The following HNMT variants were observed in gnomAD, a reference collection of about 807,000 sequenced individuals.
HNMT encodes histamine N-methyltransferase.
A neutral mutation model predicts 32.1 loss-of-function variants in HNMT; 30 were observed. That is an observed-to-expected ratio of 0.93 (90% CI 0.70 to 1.27). The LOEUF is 1.27. HNMT is among the 50% of genes most tolerant of loss of function. The pLI, the probability that HNMT is intolerant of heterozygous loss-of-function variation, is 0.00. For synonymous variants in HNMT, 125 were observed against 119.0 expected (o/e 1.05, Z -0.33); for missense variants, 327 against 346.0 (o/e 0.95, Z 0.43).
At chr2:137,995,502 T>C (rs1203722813) in intron 2 of HNMT, among the ~76,000 whole-genome samples, 1 of 151,988 alleles carries the variant, frequency 6.6e-6, no homozygotes, top group Non-Finnish European at 1.5e-5. Flanking sequence ...AATAACAAGT[T>C]CTGAAATTAA....
chr2:137,964,529 G>A lies in HNMT; in HGVS notation c.38G>A (p.Gly13Glu), dbSNP rs774154790. 4 of 1,613,638 alleles carry A rather than the reference G, an allele frequency of 2.5e-6. No individual in the cohort carries two copies. The African/African-American group carries it at 4.0e-5, about 16-fold the overall frequency. Residue 13 changes from glycine (G) to glutamate (E), a missense_variant, in exon 1 of 6, where the codon GGG (glycine) becomes GAG (glutamate). Coordinates refer to ENST00000280097, the MANE Select transcript of HNMT (RefSeq NM_006895.3). Reference protein sequence around the residue: ...SSMRSLFSDHGKYVESFRRFL... With the variant: ...SSMRSLFSDHEKYVESFRRFL... ...ATGAGGAGCTTGTTTTCTGACCACG[G>A]GAAATATGTTGAATCTTTCCGGAGG... is the stretch of plus-strand genomic sequence containing the variant.
chr2:137,970,174 C>T lies in HNMT; in HGVS notation c.147C>T (p.Asp49=), dbSNP rs756228964. Residue 49 remains aspartate, a synonymous_variant, in exon 2 of 6, where the codon GAC becomes GAT. Coordinates refer to ENST00000280097, the MANE Select transcript of HNMT (RefSeq NM_006895.3). ...KLPGIIGRIG[D]TKSEIKILSI... The stretch of plus-strand genomic sequence containing the variant: ...AATTTTTTTCTTTCAGGATTGGAGA[C>T]ACAAAATCAGAAATTAAGATTCTAA... 19 of 1,569,792 alleles carry T rather than the reference C, an allele frequency of 1.2e-5. No individual in the cohort carries two copies. The highest frequency in any genetic ancestry group is 4.6e-5 in the South Asian group (4 of 86,346).
At chr2:137,979,224 T>C (rs960835343) in intron 2 of HNMT, among the ~76,000 whole-genome samples, 1 of 149,588 alleles carries the variant, frequency 6.7e-6, no homozygotes, top group African/African-American at 2.4e-5. Context: ...ATAAAGTATA[T>C]ATAAATACAA....
chr2:138,010,318 C>CA (rs34391440), intron 5 of HNMT, among the ~76,000 whole-genome samples: 35,230 of 151,440 alleles, frequency 0.23, 4,320 homozygotes, highest in South Asian at 0.3. Context: ...AATATACATC[C>CA]AAAAAAAGAG....
At chr2:137,996,081 G>T (rs1471278139) in intron 2 of HNMT, among the ~76,000 whole-genome samples, 3 of 152,094 alleles carry the variant, frequency 2.0e-5, no homozygotes, top group African/African-American at 7.2e-5. Flanking sequence ...ATAGGCAAAA[G>T]CTGGAAGCAT....
At chr2:138,003,846 A>T (rs1224904751) in intron 4 of HNMT, among the ~76,000 whole-genome samples, 1 of 152,034 alleles carries the variant, frequency 6.6e-6, no homozygotes, top group East Asian at 1.9e-4. Context: ...CCTCTGCTTA[A>T]CCCTGGATCC....
intron 5 of HNMT, among the ~76,000 whole-genome samples, chr2:138,012,989 G>T (rs1340993954): frequency 6.6e-6 from 1 of 152,008 alleles, no homozygotes; most frequent in Non-Finnish European, 1.5e-5. Context: ...CATCGGTGAG[G>T]CCAGGGTGAC....
rs201191961 is a variant in HNMT at position 138,001,030 on chromosome 2, C to A, written c.298+5C>A. The A allele has an allele frequency of 8.0e-6, 12 of 1,504,420 alleles. No individual in the cohort carries two copies. In the South Asian group the frequency reaches 9.2e-5, roughly 12 times the overall value. 93.2% of individuals were successfully genotyped at this position (1,504,420 alleles called of 1,614,324 possible). ...AACAAATTGCCAAATACAAAGGTAC[C>A]TGTAACTCCTGGTCCTCTACACCAG... On this transcript the variant is annotated splice_donor_5th_base_variant and intron_variant, in intron 3 of 5. Coordinates refer to ENST00000280097, the MANE Select transcript of HNMT (RefSeq NM_006895.3).
chr2:138,013,748 A>G (rs1307088379), intron 5 of HNMT, 27 bp from the exon 6 acceptor site: 3 of 1,557,728 alleles, frequency 1.9e-6, no homozygotes, highest in Non-Finnish European at 2.6e-6. Flanking sequence ...GAATAAATGA[A>G]AGCATGACTT....
Position 138,001,445 on chromosome 2 carries a change from G to A in HNMT, c.298+420G>A, listed in dbSNP as rs565537338. 5.9e-5 allele frequency among the ~76,000 whole-genome samples: 9 copies of A among 152,264 alleles called. No individual in the cohort carries two copies. The South Asian group carries it at 1.9e-3, about 32-fold the overall frequency. Reference sequence around the variant, plus strand: ...AGTCTCTGCCATAACTAATCAACCTGCCATGTGCCACAAAGGCAGCCAAAA... The same window carrying A: ...AGTCTCTGCCATAACTAATCAACCTACCATGTGCCACAAAGGCAGCCAAAA... On this transcript the variant is annotated intron_variant, in intron 3 of 5. Transcript: ENST00000280097.
At chr2:137,982,623 G>T (rs940255771) in intron 2 of HNMT, among the ~76,000 whole-genome samples, 1 of 152,040 alleles carries the variant, frequency 6.6e-6, no homozygotes, top group African/African-American at 2.4e-5. Context: ...AAATTACACA[G>T]GAGTGAAGAA....
chr2:138,012,316 CAGA>C (rs1317855929), intron 5 of HNMT, among the ~76,000 whole-genome samples: 3 of 152,110 alleles, frequency 2.0e-5, no homozygotes, highest in Non-Finnish European at 4.4e-5. Context: ...CATAAAGCAT[CAGA>C]AGAAGAGTTC....
At chr2:137,968,885 A>G (rs1312917245) in intron 1 of HNMT, among the ~76,000 whole-genome samples, 1 of 152,210 alleles carries the variant, frequency 6.6e-6, no homozygotes. Flanking sequence ...CAAAGTCCAA[A>G]GAAACAAACA....
chr2:137,982,989 T>C (rs12053404), intron 2 of HNMT, among the ~76,000 whole-genome samples: 3 of 152,316 alleles, frequency 2.0e-5, no homozygotes, highest in East Asian at 3.9e-4. Context: ...TTAAGATGCA[T>C]TTCATCAAGT....
intron 2 of HNMT, among the ~76,000 whole-genome samples, chr2:137,977,406 G>A (rs373330854): frequency 1.3e-5 from 2 of 151,992 alleles, no homozygotes; most frequent in Admixed American, 1.3e-4. Context: ...TCTGGTGTAG[G>A]TGACTTGTTG....
In HNMT at chr2:137,972,461, A is replaced by T. The variant is rs1240330620; in HGVS notation, c.190+2244A>T. Among the ~76,000 whole-genome samples, 11 of 152,328 alleles carry T rather than the reference A, an allele frequency of 7.2e-5. No homozygotes were observed. In the East Asian group the frequency reaches 1.9e-3, roughly 27 times the overall value. On this transcript the variant is annotated intron_variant, in intron 2 of 5. Coordinates refer to ENST00000280097, the MANE Select transcript of HNMT (RefSeq NM_006895.3). ...TTAATTTTTCATGAAATACACTGTG[A>T]TATAGTGTAATAAGAACTAATCATT...
chr2:138,009,848 C>G (rs186997882), intron 5 of HNMT, among the ~76,000 whole-genome samples: 12 of 152,098 alleles, frequency 7.9e-5, no homozygotes, highest in African/African-American at 2.9e-4. Flanking sequence ...CCCTCCTTAC[C>G]CCTGTTTAGG....
chr2:137,978,340 T>TAC (rs1298936913), intron 2 of HNMT, among the ~76,000 whole-genome samples: 1 of 146,756 alleles, frequency 6.8e-6, no homozygotes, highest in Non-Finnish European at 1.5e-5. Context: ...AATTATATAA[T>TAC]ATATGATTAT....
intron 2 of HNMT, among the ~76,000 whole-genome samples, chr2:137,995,334 A>G (rs1447477535): frequency 6.6e-6 from 1 of 152,164 alleles, no homozygotes; most frequent in African/African-American, 2.4e-5. Flanking sequence ...TAAAGGGGAT[A>G]TCACCACTGA....
Sources: allele counts gnomAD v4.1 joint callset (sites outside exome capture counted in the v4.1 genomes callset), GRCh38; gene constraint gnomAD v4.1.1; transcripts MANE v1.5; gene names NCBI Gene and HGNC (gene_info 2026-07-23, HGNC 2026-07-21).